CEP112: variants seen among roughly 807,000 people sequenced by gnomAD.
CEP112 encodes centrosomal protein of 112 kDa.
CEP112 carries 127 observed loss-of-function variants against 153.0 expected under a neutral mutation model. The observed-to-expected ratio is 0.83, with a 90% CI of 0.72 to 0.96. The LOEUF is 0.96. Ranked by LOEUF, CEP112 falls within the 40% of genes least tolerant of loss-of-function variation. The pLI is 0.00. For synonymous variants in CEP112, 358 were observed against 374.4 expected (o/e 0.96, Z 0.51); for missense variants, 1,089 against 1,101.2 (o/e 0.99, Z 0.16).
At chr17:65,781,520 A>AC (rs1041705607) in intron 21 of CEP112, among the ~76,000 whole-genome samples, 20 of 151,842 alleles carry the variant, frequency 1.3e-4, no homozygotes, top group Admixed American at 2.6e-4. Context: ...TTCATATGGA[A>AC]CAAAAAAAAA....
intron 16 of CEP112, among the ~76,000 whole-genome samples, chr17:66,027,263 G>C (rs1412065708): frequency 2.0e-5 from 3 of 152,074 alleles, no homozygotes; most frequent in Non-Finnish European, 2.9e-5. Flanking sequence ...TGTAGTCCCA[G>C]CTACTCAAGA....
chr17:65,805,370 C>A lies in CEP112; in HGVS notation c.2394+46434G>T, dbSNP rs141206353. ...AACTCAGTCAACAAATTAAAAGCAG[C>A]TGCCAAAAGCATAAAGTAACAACTG... On this transcript the variant is annotated intron_variant, in intron 21 of 26. Transcript: ENST00000535342. 9.2e-3 allele frequency among the ~76,000 whole-genome samples: 1,404 copies of A among 152,222 alleles called. 8 individuals carry two copies. The highest frequency in any genetic ancestry group is 0.015 in the Non-Finnish European group (1,006 of 68,008).
At chr17:66,128,173 C>T (rs229858) in intron 6 of CEP112, among the ~76,000 whole-genome samples, 52,752 of 151,356 alleles carry the variant, frequency 0.35, 10,706 homozygotes, top group Non-Finnish European at 0.46. Context: ...CATGGTGGCA[C>T]GCACCTGTAA....
intron 21 of CEP112, among the ~76,000 whole-genome samples, chr17:65,783,804 C>G (rs1439913492): frequency 6.6e-6 from 1 of 152,178 alleles, no homozygotes; most frequent in African/African-American, 2.4e-5. Flanking sequence ...ATCACCCAGA[C>G]CCTAAAATCT....
chr17:66,100,791 A>C (rs1368276240), intron 6 of CEP112, among the ~76,000 whole-genome samples: 1 of 152,132 alleles, frequency 6.6e-6, no homozygotes, highest in Admixed American at 6.5e-5. Flanking sequence ...AACCAACCAA[A>C]CTGAAAATAT....
At chr17:66,160,475 G>T (rs1208837657) in intron 4 of CEP112, among the ~76,000 whole-genome samples, 1 of 152,112 alleles carries the variant, frequency 6.6e-6, no homozygotes, top group Admixed American at 6.6e-5. Context: ...AAACAGCATG[G>T]TACTGGTACC....
intron 24 of CEP112, among the ~76,000 whole-genome samples, chr17:65,666,881 C>T (rs2143961734): frequency 6.6e-6 from 1 of 152,276 alleles, no homozygotes; most frequent in East Asian, 1.9e-4. Context: ...TGTACTCTTT[C>T]CCTCTGTATT....
intron 18 of CEP112, among the ~76,000 whole-genome samples, chr17:65,932,549 A>C (rs1273003363): frequency 6.6e-6 from 1 of 152,210 alleles, no homozygotes; most frequent in Admixed American, 6.5e-5. Flanking sequence ...AAGAGGTTTA[A>C]TTGGCTCACA....
At chr17:66,079,846 A>G (rs1319363933) in intron 8 of CEP112, among the ~76,000 whole-genome samples, 1 of 152,188 alleles carries the variant, frequency 6.6e-6, no homozygotes, top group African/African-American at 2.4e-5. Context: ...GGCCTCAGAA[A>G]TAACGCCACA....
intron 24 of CEP112, among the ~76,000 whole-genome samples, chr17:65,647,967 T>C (rs1182118620): frequency 2.0e-5 from 3 of 152,200 alleles, no homozygotes; most frequent in African/African-American, 7.2e-5. Context: ...ATGGGTTTGA[T>C]GGACACAAAA....
At chr17:65,742,080 C>A (rs922742201) in intron 23 of CEP112, among the ~76,000 whole-genome samples, 1 of 151,356 alleles carries the variant, frequency 6.6e-6, no homozygotes, top group Non-Finnish European at 1.5e-5. Flanking sequence ...TCTGTTAAGG[C>A]TTTTTATTCT....
At chr17:65,644,434 A>T in intron 24 of CEP112, 1 of 476,284 alleles carries the variant, frequency 2.1e-6, no homozygotes, top group Non-Finnish European at 3.9e-6. Flanking sequence ...GCTCGGTTGC[A>T]TTTATAATGC....
intron 23 of CEP112, among the ~76,000 whole-genome samples, chr17:65,733,925 G>A (rs543200550): frequency 1.3e-5 from 2 of 152,338 alleles, no homozygotes; most frequent in East Asian, 1.9e-4. Flanking sequence ...CTTTTTGAAA[G>A]TCTGCAGTTA....
chr17:65,915,552 G>A (rs1387395170), intron 19 of CEP112, among the ~76,000 whole-genome samples: 2 of 152,096 alleles, frequency 1.3e-5, no homozygotes, highest in African/African-American at 4.8e-5. Context: ...TTGGGAGGCT[G>A]AGGTGGGTGG....
At chr17:65,660,539 C>CT (rs1347562588) in intron 24 of CEP112, among the ~76,000 whole-genome samples, 1 of 127,064 alleles carries the variant, frequency 7.9e-6, no homozygotes, top group African/African-American at 3.3e-5. Flanking sequence ...CCTTTCTTCT[C>CT]TTTTTTTCTT....
chr17:65,785,173 T>G (rs2054215337), intron 21 of CEP112, among the ~76,000 whole-genome samples: 1 of 152,236 alleles, frequency 6.6e-6, no homozygotes, highest in Non-Finnish European at 1.5e-5. Context: ...TTCCTTTTCC[T>G]AGTCAAATCC....
At chr17:65,778,726 G>C (rs2053832825) in intron 21 of CEP112, among the ~76,000 whole-genome samples, 1 of 152,048 alleles carries the variant, frequency 6.6e-6, no homozygotes, top group South Asian at 2.1e-4. Context: ...AAGTGAAAAA[G>C]TTTCTAAGTA....
intron 21 of CEP112, among the ~76,000 whole-genome samples, chr17:65,759,219 T>C (rs1422095240): frequency 6.6e-6 from 1 of 152,210 alleles, no homozygotes; most frequent in Non-Finnish European, 1.5e-5. Flanking sequence ...TTGTTTAGCA[T>C]GTAATCAAGA....
intron 12 of CEP112, among the ~76,000 whole-genome samples, chr17:66,035,861 C>T (rs1469711312): frequency 6.6e-6 from 1 of 152,158 alleles, no homozygotes; most frequent in African/African-American, 2.4e-5. Flanking sequence ...AAACAGCTTG[C>T]CACTGCAAAC....
Sources: allele counts gnomAD v4.1 joint callset (sites outside exome capture counted in the v4.1 genomes callset), GRCh38; gene constraint gnomAD v4.1.1; transcripts MANE v1.5; gene names NCBI Gene and HGNC (gene_info 2026-07-23, HGNC 2026-07-21).